Variants in SEMA3C observed in about 807,000 individuals in gnomAD.
SEMA3C encodes the protein semaphorin-3C.
A neutral mutation model predicts 89.4 loss-of-function variants in SEMA3C; 47 were observed. The observed-to-expected ratio is 0.53, with a 90% confidence interval of 0.42 to 0.67. SEMA3C has a LOEUF of 0.67. Ranked by LOEUF, SEMA3C falls within the 30% of genes least tolerant of loss-of-function variation. SEMA3C has a pLI of 0.00. For missense variants in SEMA3C, 839 were observed against 929.1 expected (o/e 0.90, Z 1.26); for synonymous variants, 310 against 320.2 (o/e 0.97, Z 0.34).
At chr7:80,800,181 G>T in intron 10 of SEMA3C, among the ~76,000 whole-genome samples, 1 of 147,682 alleles carries the variant, frequency 6.8e-6, no homozygotes, top group East Asian at 2.0e-4. Context: ...GACAGAAAAA[G>T]AACATTGGTT....
chr7:80,910,632 G>A (rs1211188118), intron 2 of SEMA3C, among the ~76,000 whole-genome samples: 1 of 149,990 alleles, frequency 6.7e-6, no homozygotes, highest in Non-Finnish European at 1.5e-5. Context: ...AAAGCTCACA[G>A]CTCTATTTCC....
rs1411114451 is a variant in SEMA3C at position 80,856,090 on chromosome 7, C to T, written c.104-27345G>A. Among the ~76,000 whole-genome samples the T allele has an allele frequency of 3.3e-5, 5 of 151,966 alleles. No homozygotes were observed. In the East Asian group the frequency reaches 7.7e-4, roughly 23 times the overall value. Reference sequence around the variant, plus strand: ...ATTAGCAAAGGAATTTTTTATTAAACATAGTTATCAAATTTTTTGGAGTAT... The same window carrying T: ...ATTAGCAAAGGAATTTTTTATTAAATATAGTTATCAAATTTTTTGGAGTAT... On this transcript the variant is annotated intron_variant, in intron 2 of 17. Coordinates refer to ENST00000265361, the MANE Select transcript of SEMA3C (RefSeq NM_006379.5).
chr7:80,831,131 C>A (rs370022258), intron 2 of SEMA3C, among the ~76,000 whole-genome samples: 13 of 152,172 alleles, frequency 8.5e-5, no homozygotes, highest in East Asian at 3.9e-4. Context: ...TCAACAAATA[C>A]CTCTTAATAA....
At chr7:80,748,815 T>G (rs1787857059) in intron 17 of SEMA3C, 83 bp downstream of exon 17, 15 of 1,388,324 alleles carry the variant, frequency 1.1e-5, no homozygotes, top group African/African-American at 1.5e-5. Context: ...TCCTTTTTCC[T>G]TTGATCTGAG....
chr7:80,920,885 A>G, upstream of SEMA3C, among the ~76,000 whole-genome samples: 1 of 152,226 alleles, frequency 6.6e-6, no homozygotes, highest in Non-Finnish European at 1.5e-5. Flanking sequence ...TCCTTCTGAT[A>G]TCTCATTCGG....
At chr7:80,826,935 T>C (rs994289525) in intron 4 of SEMA3C, among the ~76,000 whole-genome samples, 1 of 152,156 alleles carries the variant, frequency 6.6e-6, no homozygotes, top group African/African-American at 2.4e-5. Flanking sequence ...TTGATACTTA[T>C]ATCTGCCTCT....
chr7:80,844,576 T>C (rs1294760766), intron 2 of SEMA3C, among the ~76,000 whole-genome samples: 1 of 152,130 alleles, frequency 6.6e-6, no homozygotes, highest in Non-Finnish European at 1.5e-5. Flanking sequence ...AATTAATAAA[T>C]TAAAGCAGAG....
Position 80,765,217 on chromosome 7 carries a change from C to A in SEMA3C, c.1381G>T (p.Val461Phe). Residue 461 changes from valine (V) to phenylalanine (F), a missense_variant, in exon 13 of 18, where the codon GTT becomes TTT. Transcript: ENST00000265361. The part of the protein sequence containing the change: ...TDRGTVQKVV[V>F]LPTNNSVSGE... ...CTGACAGAGTTGTTAGTAGGAAGAA[C>A]AACCACTTTTTGCACAGTACCCCGA... The A allele has an allele frequency of 1.2e-6, 2 of 1,613,456 alleles. No individual in the cohort carries two copies. Among genetic ancestry groups the A allele is most frequent in the Non-Finnish European group, 8.5e-7 (1 of 1,179,720 alleles).
rs1462305484 is a variant in SEMA3C, at chr7:80,781,447, T to C, written c.1354+7859A>G. 2.6e-5 allele frequency among the ~76,000 whole-genome samples: 4 copies of C among 152,222 alleles called. No individual in the cohort carries two copies. The East Asian group carries it at 5.8e-4, about 22-fold the overall frequency. On this transcript the variant is annotated intron_variant, in intron 12 of 17. Coordinates refer to ENST00000265361, the MANE Select transcript of SEMA3C (RefSeq NM_006379.5). ...GATCTTTTCATTCCAACTTAAACTA[T>C]ATTTCGCATTCTATAATGAAACATT...
chr7:80,749,750 AGACATG>A (rs878944965), intron 16 of SEMA3C, among the ~76,000 whole-genome samples: 5 of 152,166 alleles, frequency 3.3e-5, no homozygotes, highest in Admixed American at 3.3e-4. Flanking sequence ...GTGGTAGCTT[AGACATG>A]GACAGAATCC....
chr7:80,869,284 G>A lies in SEMA3C; in HGVS notation c.104-40539C>T, dbSNP rs1237155300. 3.3e-5 allele frequency among the ~76,000 whole-genome samples: 5 copies of A among 152,138 alleles called. No individual in the cohort carries two copies. The East Asian group carries it at 7.7e-4, about 23-fold the overall frequency. Reference sequence around the variant, plus strand: ...TAGCTAGCAAGATGTTAATGAAAACGTGTTTGTTAGCAGCAAGGAAAATCA... The same window carrying A: ...TAGCTAGCAAGATGTTAATGAAAACATGTTTGTTAGCAGCAAGGAAAATCA... On this transcript the variant is annotated intron_variant, in intron 2 of 17. Coordinates refer to ENST00000265361, the MANE Select transcript of SEMA3C (RefSeq NM_006379.5).
intron 16 of SEMA3C, 123 bp downstream of exon 16, chr7:80,751,146 T>C: frequency 1.4e-6 from 1 of 737,314 alleles, no homozygotes; most frequent in Non-Finnish European, 2.3e-6. Context: ...ATACCCAGAA[T>C]TGTTATAATA....
chr7:80,786,523 T>C (rs371056134), intron 12 of SEMA3C, among the ~76,000 whole-genome samples: 1 of 152,132 alleles, frequency 6.6e-6, no homozygotes, highest in East Asian at 1.9e-4. Flanking sequence ...AGAGGTAATA[T>C]TCCAAATTAA....
At position 80,745,029 on chromosome 7, in the gene SEMA3C, T is replaced by C. The variant is rs149650168; in HGVS notation, c.2121A>G (p.Gln707=). The part of the protein sequence containing the change: ...FSHSEMQMIN[Q]YCKDTRQQHQ... Reference sequence around the variant, plus strand: ...GTTGCTGCCGAGTGTCTTTGCAATATTGGTTAATCATCTGCATTTCTGAGT... The same window carrying C: ...GTTGCTGCCGAGTGTCTTTGCAATACTGGTTAATCATCTGCATTTCTGAGT... Residue 707 remains glutamine, a synonymous_variant, in exon 18 of 18, where the codon CAA becomes CAG. Coordinates refer to ENST00000265361, the MANE Select transcript of SEMA3C (RefSeq NM_006379.5). 3,216 of 1,614,064 alleles carry C rather than the reference T, an allele frequency of 2.0e-3. No individual in the cohort carries two copies. The highest frequency in any genetic ancestry group is 2.6e-3 in the Non-Finnish European group (3,026 of 1,179,944).
At chr7:80,775,884 TA>T (rs1289633730) in intron 12 of SEMA3C, among the ~76,000 whole-genome samples, 7 of 151,990 alleles carry the variant, frequency 4.6e-5, no homozygotes, top group South Asian at 2.1e-4. Context: ...TTCCTTTTTT[TA>T]AAAAAAATTA....
At chr7:80,894,341 T>C (rs1296761355) in intron 2 of SEMA3C, among the ~76,000 whole-genome samples, 2 of 152,186 alleles carry the variant, frequency 1.3e-5, no homozygotes, top group Non-Finnish European at 2.9e-5. Flanking sequence ...AACTGAATTA[T>C]TAATAGTTCT....
intron 12 of SEMA3C, among the ~76,000 whole-genome samples, chr7:80,766,981 CA>C (rs1422214955): frequency 2.0e-5 from 3 of 152,326 alleles, no homozygotes; most frequent in African/African-American, 7.2e-5. Context: ...AGGCAGGAAT[CA>C]GGGGAGAAGG....
chr7:80,856,119 T>A (rs187147961), intron 2 of SEMA3C, among the ~76,000 whole-genome samples: 193 of 152,280 alleles, frequency 1.3e-3, no homozygotes, highest in African/African-American at 4.5e-3. Flanking sequence ...GGAGTATTTT[T>A]AAATTTTTAT....
In SEMA3C at chr7:80,759,772, TTGAC is replaced by T. The variant is rs558571931; in HGVS notation, c.1486-1288_1486-1285del. ...TGACTTTTCAGAAATTGTGCTGAAA[TTGAC>T]TGATCTCCAGTTGAAACATTCAAAC... On this transcript the variant is annotated intron_variant, in intron 14 of 17. Coordinates refer to ENST00000265361, the MANE Select transcript of SEMA3C (RefSeq NM_006379.5). 1.1e-3 allele frequency among the ~76,000 whole-genome samples: 169 copies of T among 152,364 alleles called. 1 individual carries two copies. Among genetic ancestry groups the T allele is most frequent in the Non-Finnish European group, 1.7e-3 (115 of 68,042 alleles).
Sources: gnomAD v4.1 joint callset for allele counts (sites outside exome capture counted in the v4.1 genomes callset) on GRCh38, gnomAD v4.1.1 for gene constraint, MANE v1.5 for transcripts, NCBI Gene and HGNC (gene_info 2026-07-23, HGNC 2026-07-21) for gene names.